FNBP1: variants seen among roughly 807,000 people sequenced by gnomAD.
The protein encoded by FNBP1 is formin-binding protein 1.
A neutral mutation model predicts 90.6 loss-of-function variants in FNBP1; 26 were observed. The observed-to-expected ratio is 0.29, with a 90% CI of 0.21 to 0.40. FNBP1 has a LOEUF of 0.40. Among genes scored for constraint, FNBP1 ranks in the 10% least tolerant of loss-of-function variants. FNBP1 has a pLI of 1.00. For missense variants in FNBP1, 635 were observed against 768.0 expected, an observed-to-expected ratio of 0.83 and a Z score of 2.05; for synonymous variants, 260 against 265.2, an observed-to-expected ratio of 0.98 and a Z score of 0.19.
At position 129,922,139 on chromosome 9, in the gene FNBP1, C is replaced by G. The variant is rs539841109; in HGVS notation, c.1170+1705G>C. Among the ~76,000 whole-genome samples, 171 of 151,638 alleles carry G rather than the reference C, an allele frequency of 1.1e-3. 2 individuals carry two copies. The highest frequency in any genetic ancestry group is 2.9e-4 in the Non-Finnish European group (20 of 67,984). On this transcript the variant is annotated intron_variant, in intron 10 of 16. Coordinates refer to ENST00000446176, the MANE Select transcript of FNBP1 (RefSeq NM_015033.3). Reference sequence around the variant, plus strand: ...ACAGGCGTGGGCCACTGGGCCCAGTCTAAAGATCTGTTTACTCATTATATT... The same window carrying G: ...ACAGGCGTGGGCCACTGGGCCCAGTGTAAAGATCTGTTTACTCATTATATT...
In FNBP1 at chr9:129,900,646, G is replaced by GCAT; in HGVS notation, c.1429-102_1429-100dup. ...AAGGCCATCTGAGGGCCAGCCCGGAGCATCCTAAGGTCCCAAACTCAGGGG... is the reference window on the plus strand; with the variant it reads ...AAGGCCATCTGAGGGCCAGCCCGGAGCATCATCCTAAGGTCCCAAACTCAGGGG... On this transcript the variant is annotated intron_variant, in intron 13 of 16. Coordinates refer to ENST00000446176, the MANE Select transcript of FNBP1 (RefSeq NM_015033.3). The surrounding 1 kb of genome is among the most constrained non-coding windows in gnomAD (Gnocchi z 4.1). 4 of 1,227,886 alleles carry GCAT rather than the reference G, an allele frequency of 3.3e-6. No individual in the cohort carries two copies. Among genetic ancestry groups the GCAT allele is most frequent in the Non-Finnish European group, 4.2e-6 (4 of 955,700 alleles). 76.1% of individuals were successfully genotyped at this position (1,227,886 alleles called of 1,614,324 possible). A position where few individuals can be genotyped will look rare whatever the true frequency, so the allele number is the denominator to read the frequency against.
chr9:130,001,555 T>G (rs2054855279), intron 1 of FNBP1, among the ~76,000 whole-genome samples: 1 of 152,138 alleles, frequency 6.6e-6, no homozygotes, highest in African/African-American at 2.4e-5. Context: ...GACTGCACTT[T>G]GAGAACCACT....
rs573450791 is a variant in FNBP1, at chr9:129,901,966, T to C, written c.1428+903A>G. ...ACCCTTCATTGCTGGAAACAATCTA[T>C]TCTGACTGGTAGAATCGGTTGCTAA... On this transcript the variant is annotated intron_variant, in intron 13 of 16. Coordinates refer to ENST00000446176, the MANE Select transcript of FNBP1 (RefSeq NM_015033.3). Among the ~76,000 whole-genome samples the C allele has an allele frequency of 5.3e-5, 8 of 152,326 alleles. No individual in the cohort carries two copies. In the South Asian group the frequency reaches 1.7e-3, roughly 32 times the overall value.
At chr9:129,920,440 T>C (rs1341931773) in intron 10 of FNBP1, among the ~76,000 whole-genome samples, 4 of 152,140 alleles carry the variant, frequency 2.6e-5, no homozygotes, top group Non-Finnish European at 1.5e-5. Context: ...TAGCTGGGAT[T>C]ACAGGTGTGC....
intron 1 of FNBP1, among the ~76,000 whole-genome samples, chr9:130,010,764 CTT>C (rs111591184): frequency 4.3e-5 from 6 of 140,536 alleles, no homozygotes; most frequent in Non-Finnish European, 6.1e-5. Context: ...TTCTTTGGGT[CTT>C]TTTTTTTTTT....
chr9:129,993,224 CAAAAAA>C (rs200526839), intron 2 of FNBP1, among the ~76,000 whole-genome samples: 3 of 130,016 alleles, frequency 2.3e-5, no homozygotes, highest in Non-Finnish European at 3.2e-5. Flanking sequence ...GAGACTGTCT[CAAAAAA>C]AAAAAAAAAA....
chr9:129,905,294 G>GTATATATATATATATATATATATA lies in FNBP1; in HGVS notation c.1296-2294_1296-2293insTATATATATATATATATATATATA, dbSNP rs56217495. ...TTGAATTGTGTGTGTGTGTGTGTGT[G>GTATATATATATATATATATATATA]TATATATATATATATATATTTTGTT... On this transcript the variant is annotated intron_variant, in intron 12 of 16. Transcript: ENST00000446176. 1.4e-3 allele frequency among the ~76,000 whole-genome samples: 181 copies of GTATATATATATATATATATATATA among 132,230 alleles called. 4 individuals are homozygous for GTATATATATATATATATATATATA. The highest frequency in any genetic ancestry group is 4.7e-3 in the African/African-American group (161 of 34,608). The allele number at this position is 132,230 out of a possible 152,430, so 86.7% of individuals were successfully genotyped here.
At chr9:130,053,047 C>T in the FNBP1 span, among the ~76,000 whole-genome samples, 1 of 152,010 alleles carries the variant, frequency 6.6e-6, no homozygotes, top group African/African-American at 2.4e-5. Flanking sequence ...ACCCAGAAGG[C>T]GGAGGTTGCA....
chr9:129,905,290 G>GTA (rs1435497753), intron 12 of FNBP1, among the ~76,000 whole-genome samples: 3 of 58,014 alleles, frequency 5.2e-5, no homozygotes, highest in Middle Eastern at 0.011. Context: ...GTGTGTGTGT[G>GTA]TGTGTATATA....
chr9:129,887,820 G>A lies in FNBP1; in HGVS notation c.*2719C>T, dbSNP rs1323870121. On this transcript the variant is annotated 3_prime_UTR_variant, in exon 17 of 17. Transcript: ENST00000446176. ...CACAACAGTATTCTAGCACGGTGGC[G>A]AAGTGACAGGCGGCAGATACGGGGG... 3 of 230,560 alleles carry A rather than the reference G, an allele frequency of 1.3e-5. No individual in the cohort carries two copies. Among genetic ancestry groups the A allele is most frequent in the Non-Finnish European group, 2.6e-5 (3 of 116,466 alleles). 14.3% of individuals were successfully genotyped at this position (230,560 alleles called of 1,614,324 possible).
intron 6 of FNBP1, among the ~76,000 whole-genome samples, chr9:129,950,728 C>T (rs907437224): frequency 2.0e-5 from 3 of 152,148 alleles, no homozygotes; most frequent in South Asian, 2.1e-4. Flanking sequence ...TAAAGATCCA[C>T]GAAACACACA....
In FNBP1 at chr9:129,915,075, G is replaced by A; in HGVS notation, c.1185+891C>T. The A allele has an allele frequency of 1.3e-5, 3 of 225,750 alleles. No homozygotes were observed. In the South Asian group the frequency reaches 1.6e-4, roughly 12 times the overall value. The allele number at this position is 225,750 out of a possible 1,614,324, so 14.0% of individuals were successfully genotyped here. A position where few individuals can be genotyped will look rare whatever the true frequency, so the allele number is the denominator to read the frequency against. On this transcript the variant is annotated intron_variant, in intron 11 of 16. Transcript: ENST00000446176. Reference sequence around the variant, plus strand: ...AGTGAATAATTCTAAAAAGGCTTAGGAGGCTCTTTTCACTGTCCATGAAAT... The same window carrying A: ...AGTGAATAATTCTAAAAAGGCTTAGAAGGCTCTTTTCACTGTCCATGAAAT...
At chr9:129,992,167 G>C (rs2053265063) in intron 2 of FNBP1, among the ~76,000 whole-genome samples, 1 of 152,212 alleles carries the variant, frequency 6.6e-6, no homozygotes, top group Non-Finnish European at 1.5e-5. Flanking sequence ...TGAAGAGGCA[G>C]GGGAAGAGCA....
Position 130,042,306 on chromosome 9 carries a change from C to T in FNBP1, c.24+646G>A, listed in dbSNP as rs7874431. On this transcript the variant is annotated intron_variant, in intron 1 of 16. Transcript: ENST00000446176. This position sits in a 1 kb window ranked among gnomAD's most constrained non-coding sequence, Gnocchi z 5.5. ...AAGATCTCTCCCTAACTCCCACTTTCCCCTCCAGACCAGACGTCGCAGTGC... is the reference window on the plus strand; with the variant it reads ...AAGATCTCTCCCTAACTCCCACTTTTCCCTCCAGACCAGACGTCGCAGTGC... Among the ~76,000 whole-genome samples the T allele has an allele frequency of 0.041, 6,254 of 152,236 alleles. 422 individuals carry two copies. The highest frequency in any genetic ancestry group is 0.14 in the African/African-American group (5,875 of 41,514).
At chr9:130,019,534 G>A (rs528706762) in intron 1 of FNBP1, among the ~76,000 whole-genome samples, 2 of 152,208 alleles carry the variant, frequency 1.3e-5, no homozygotes, top group South Asian at 4.1e-4. Flanking sequence ...AAATCAATGA[G>A]TGAACTTCCA....
intron 6 of FNBP1, among the ~76,000 whole-genome samples, chr9:129,932,456 A>G (rs1002337839): frequency 6.6e-5 from 10 of 152,090 alleles, no homozygotes; most frequent in African/African-American, 2.4e-4. Context: ...CACTTCACAC[A>G]TTTTACTCAT....
In FNBP1 at chr9:130,034,952, G is replaced by C. The variant is rs140968251; in HGVS notation, c.24+8000C>G. 3.1e-3 allele frequency among the ~76,000 whole-genome samples: 472 copies of C among 152,236 alleles called. 7 individuals carry two copies. Among genetic ancestry groups the C allele is most frequent in the African/African-American group, 0.011 (454 of 41,548 alleles). ...ACTTGAGCCCAGGAGTTCAAGGCCA[G>C]CCTGGGCAGCATAGAAAGACCCCGT... is the stretch of plus-strand genomic sequence containing the variant. On this transcript the variant is annotated intron_variant, in intron 1 of 16. Coordinates refer to ENST00000446176, the MANE Select transcript of FNBP1 (RefSeq NM_015033.3).
intron 15 of FNBP1, among the ~76,000 whole-genome samples, chr9:129,896,544 C>T (rs180694397): frequency 1.4e-4 from 22 of 152,260 alleles, no homozygotes; most frequent in Admixed American, 8.5e-4. Context: ...CCACCACACC[C>T]GGCTAACCTT....
chr9:129,919,059 G>C, intron 10 of FNBP1: 1 of 361,554 alleles, frequency 2.8e-6, no homozygotes, highest in South Asian at 2.2e-5. Flanking sequence ...TCGTAGTGTG[G>C]AAGCATAACA....
Sources: allele counts gnomAD v4.1 joint callset (sites outside exome capture counted in the v4.1 genomes callset), GRCh38; gene constraint gnomAD v4.1.1; non-coding constraint Gnocchi (gnomAD v3.1); transcripts MANE v1.5; gene names NCBI Gene and HGNC (gene_info 2026-07-23, HGNC 2026-07-21).